Variants in AOC2 observed in about 807,000 individuals in gnomAD.
AOC2 encodes the protein amine oxidase [copper-containing] 2.
In AOC2, 57 loss-of-function variants were observed where a neutral mutation model predicts 53.8. The ratio of observed to expected loss-of-function variants is 1.06; its 90% CI spans 0.86 to 1.32. The LOEUF (loss-of-function observed/expected upper bound fraction) is 1.32, where lower values mean the gene tolerates loss of function less well. Among genes scored for constraint, AOC2 ranks in the 40% most tolerant of loss-of-function variants. AOC2 has a pLI of 0.00. For synonymous variants in AOC2, 404 were observed against 399.0 expected (o/e 1.01, Z -0.15); for missense variants, 1,008 against 957.2 (o/e 1.05, Z -0.70).
At position 42,844,736 on chromosome 17, in the gene AOC2, GC is replaced by G. The variant is rs752870343; in HGVS notation, c.114del (p.Ser39LeufsTer21). 2.4e-5 allele frequency: 38 copies of G among 1,614,060 alleles called. No homozygotes were observed. In the Admixed American group the frequency reaches 6.2e-4, roughly 26 times the overall value. On this transcript the variant is annotated frameshift_variant, in exon 1 of 4. Coordinates refer to ENST00000253799, the MANE Select transcript of AOC2 (RefSeq NM_009590.4). LOFTEE classifies it high-confidence loss of function. Reference protein sequence around the residue: ...SPGGSSQPPHCPSVSHRAQPW... With the variant: ...SPGGSSQPPHXPSVSHRAQPW... ...GGTGGTTCCAGCCAGCCTCCCCACT[GC>G]CCCTCTGTATCCCATAGGGCCCAGC...
rs2055643232 is a variant in AOC2, at chr17:42,850,305, C to T, written c.2228C>T (p.Ala743Val). The change falls in exon 4 of 4, where the codon GCC becomes GTC. Residue 743 changes from alanine (A) to valine (V), a missense_variant. Ala to Val is a moderately conservative substitution (Grantham distance 64). Coordinates refer to ENST00000253799, the MANE Select transcript of AOC2 (RefSeq NM_009590.4). ...NPVACLPDLA[A>V]CVPDLPPFSY... ...GTGGCCTGCCTCCCCGACCTGGCAG[C>T]CTGTGTCCCGGACTTACCCCCTTTC... 1 of 1,613,212 alleles carries T rather than the reference C, an allele frequency of 6.2e-7. No homozygotes were observed. Among genetic ancestry groups the T allele is most frequent in the Non-Finnish European group, 8.5e-7 (1 of 1,179,344 alleles).
chr17:42,850,199 G>A lies in AOC2; in HGVS notation c.2122G>A (p.Asp708Asn), dbSNP rs542939436. The A allele has an allele frequency of 2.1e-5, 34 of 1,614,050 alleles. No individual in the cohort carries two copies. Among genetic ancestry groups the A allele is most frequent in the Non-Finnish European group, 2.8e-5 (33 of 1,180,046 alleles). Residue 708 changes from aspartate (D) to asparagine (N), a missense_variant, in exon 4 of 4, where the codon GAT becomes AAT. Physicochemically the swap from Asp to Asn is conservative, Grantham distance 23. Transcript: ENST00000253799. ...CTTGCTCCGACCCTATAACTTCTTT[G>A]ATGAGGACCCCTCCATCTTCTCCCC... is the stretch of plus-strand genomic sequence containing the variant. Reference protein sequence around the residue: ...GFLLRPYNFFDEDPSIFSPGS... With the variant: ...GFLLRPYNFFNEDPSIFSPGS...
intron 1 of AOC2, 145 bp downstream of exon 1, chr17:42,846,359 C>A: frequency 1.1e-6 from 1 of 898,398 alleles, no homozygotes; most frequent in Non-Finnish European, 1.6e-6. Context: ...GGCAACAGGG[C>A]AGGGACTGTT....
Position 42,850,453 on chromosome 17 carries a change from C to A in AOC2, c.*105C>A. The stretch of plus-strand genomic sequence containing the variant: ...ACACCTGCTCCCCAGATTCCCACCC[C>A]CTCAATGTTCCTCTCACACGAAACC... On this transcript the variant is annotated 3_prime_UTR_variant, in exon 4 of 4. Transcript: ENST00000253799. The A allele has an allele frequency of 7.4e-7, 1 of 1,350,976 alleles. No homozygotes were observed. Among genetic ancestry groups the A allele is most frequent in the African/African-American group, 1.5e-5 (1 of 68,752 alleles). 83.7% of individuals were successfully genotyped at this position (1,350,976 alleles called of 1,614,324 possible).
chr17:42,849,060 T>C (rs373057711), intron 1 of AOC2, 26 bp from the exon 2 acceptor site: 5 of 1,591,226 alleles, frequency 3.1e-6, no homozygotes, highest in Non-Finnish European at 4.3e-6. Flanking sequence ...GGTGTGGAAC[T>C]CATCTCCTTT....
rs1856316000 is a variant in AOC2, at chr17:42,845,311, G to C, written c.685G>C (p.Gly229Arg). ...TWMALYHNIS[G>R]VGLFLHPVGL... The stretch of plus-strand genomic sequence containing the variant: ...GATGGCCCTCTACCATAACATCTCA[G>C]GGGTTGGTCTTTTCCTTCACCCCGT... The change falls in exon 1 of 4, where the codon GGG becomes CGG. Residue 229 changes from glycine to arginine, a missense_variant. Gly to Arg is a moderately radical substitution (Grantham distance 125). Transcript: ENST00000253799. The C allele has an allele frequency of 8.1e-6, 13 of 1,614,086 alleles. No homozygotes were observed. Among genetic ancestry groups the C allele is most frequent in the Non-Finnish European group, 8.5e-6 (10 of 1,180,044 alleles).
At position 42,849,240 on chromosome 17, in the gene AOC2, C is replaced by T; in HGVS notation, c.1743C>T (p.Arg581=). 6.2e-7 allele frequency: 1 copy of T among 1,614,190 alleles called. No homozygotes were observed. The highest frequency in any genetic ancestry group is 1.3e-5 in the African/African-American group (1 of 75,054). ...TTTCCTTGGGAAGCCCCCTACCCCG[C>T]TACCTCTACCTGGCTAGCAACCAGA... The part of the protein sequence containing the change: ...TAFSLGSPLP[R]YLYLASNQTN... The change falls in exon 2 of 4, where the codon CGC becomes CGT. Residue 581 remains arginine, a synonymous_variant. Transcript: ENST00000253799.
In AOC2 at chr17:42,845,717, C is replaced by G. The variant is rs1567685371; in HGVS notation, c.1091C>G (p.Ser364Cys). ...GAAGTCAGTGTCCAGGAGTGTGTATCTATCTATGGTGCCGATTCACCCAAG... is the reference window on the plus strand; with the variant it reads ...GAAGTCAGTGTCCAGGAGTGTGTATGTATCTATGGTGCCGATTCACCCAAG... Reference protein sequence around the residue: ...AYEVSVQECVSIYGADSPKTM... With the variant: ...AYEVSVQECVCIYGADSPKTM... The change falls in exon 1 of 4, where the codon TCT becomes TGT. Residue 364 changes from serine to cysteine, a missense_variant. Transcript: ENST00000253799. The G allele has an allele frequency of 1.2e-6, 2 of 1,614,152 alleles. No homozygotes were observed. The highest frequency in any genetic ancestry group is 2.2e-5 in the East Asian group (1 of 44,878).
At chr17:42,846,724 ACTC>A (rs2055602446) in intron 1 of AOC2, among the ~76,000 whole-genome samples, 2 of 151,960 alleles carry the variant, frequency 1.3e-5, no homozygotes, top group Admixed American at 6.6e-5. Context: ...GGATAGGGCC[ACTC>A]CTCATCGGGA....
At chr17:42,846,709 C>T (rs904501879) in intron 1 of AOC2, among the ~76,000 whole-genome samples, 1 of 152,124 alleles carries the variant, frequency 6.6e-6, no homozygotes, top group African/African-American at 2.4e-5. Flanking sequence ...TGGGGTTGCT[C>T]CCCAGGATAG....
rs749112530 is a variant in AOC2, at chr17:42,849,230, C to T, written c.1733C>T (p.Pro578Leu). The T allele has an allele frequency of 4.3e-6, 7 of 1,614,038 alleles. No individual in the cohort carries two copies. In the Admixed American group the frequency reaches 5.0e-5, roughly 12 times the overall value. The change falls in exon 2 of 4, where the codon CCC becomes CTC. Residue 578 changes from proline to leucine, a missense_variant. By Grantham distance (98) the Pro-to-Leu change is moderately conservative. Transcript: ENST00000253799. ...CTGACAGCTTTTTCCTTGGGAAGCCCCCTACCCCGCTACCTCTACCTGGCT... is the reference window on the plus strand; with the variant it reads ...CTGACAGCTTTTTCCTTGGGAAGCCTCCTACCCCGCTACCTCTACCTGGCT... ...EDLTAFSLGS[P>L]LPRYLYLASN...
At chr17:42,849,961 G>A in intron 3 of AOC2, 121 bp from the exon 4 acceptor site, 1 of 1,403,924 alleles carries the variant, frequency 7.1e-7, no homozygotes, top group Admixed American at 2.0e-5. Context: ...TCCACGTGTT[G>A]TATGGGCATG....
Position 42,845,401 on chromosome 17 carries a change from T to G in AOC2, c.775T>G (p.Phe259Val). 1 of 1,614,188 alleles carries G rather than the reference T, an allele frequency of 6.2e-7. No homozygotes were observed. The highest frequency in any genetic ancestry group is 8.5e-7 in the Non-Finnish European group (1 of 1,180,022). The change falls in exon 1 of 4, where the codon TTC (phenylalanine) becomes GTC (valine). Residue 259 changes from phenylalanine to valine, a missense_variant. Coordinates refer to ENST00000253799, the MANE Select transcript of AOC2 (RefSeq NM_009590.4). ...DPAHWTVQQV[F>V]YLGHYYADLG... Reference sequence around the variant, plus strand: ...TGCCCACTGGACTGTCCAGCAGGTCTTCTACCTTGGGCACTACTATGCAGA... The same window carrying G: ...TGCCCACTGGACTGTCCAGCAGGTCGTCTACCTTGGGCACTACTATGCAGA...
At chr17:42,847,319 A>G (rs1192733872) in intron 1 of AOC2, among the ~76,000 whole-genome samples, 2 of 152,170 alleles carry the variant, frequency 1.3e-5, no homozygotes, top group Admixed American at 6.5e-5. Flanking sequence ...TGGGCCAGAG[A>G]GGCTGTGTCA....
Position 42,850,295 on chromosome 17 carries a change from G to A in AOC2, c.2218G>A (p.Asp740Asn), listed in dbSNP as rs114818002. ...CATCAATCCTGTGGCCTGCCTCCCC[G>A]ACCTGGCAGCCTGTGTCCCGGACTT... ...CSINPVACLP[D>N]LAACVPDLPP... is the part of the protein sequence containing the mutation. The change falls in exon 4 of 4, where the codon GAC becomes AAC. Residue 740 changes from aspartate (D) to asparagine (N), a missense_variant. Physicochemically the swap from Asp to Asn is conservative, Grantham distance 23 (BLOSUM62 1). Transcript: ENST00000253799. 2,114 of 1,613,458 alleles carry A rather than the reference G, an allele frequency of 1.3e-3. 11 individuals carry two copies. The highest frequency in any genetic ancestry group is 2.2e-3 in the African/African-American group (165 of 75,020).
chr17:42,849,382 C>A lies in AOC2; in HGVS notation c.1874+11C>A, dbSNP rs1237522476. On this transcript the variant is annotated intron_variant, in intron 2 of 3. Coordinates refer to ENST00000253799, the MANE Select transcript of AOC2 (RefSeq NM_009590.4). ...CCTCAGCTGGGGGAGGTGAGGAGGG[C>A]CCTGGCCTGGGTGGAAGGAAAGGAC... 3.7e-6 allele frequency: 6 copies of A among 1,607,718 alleles called. No individual in the cohort carries two copies. The highest frequency in any genetic ancestry group is 5.1e-6 in the Non-Finnish European group (6 of 1,175,204).
rs1337756759 is a variant in AOC2, at chr17:42,845,523, G to A, written c.897G>A (p.Arg299=). 1 of 1,614,182 alleles carries A rather than the reference G, an allele frequency of 6.2e-7. No homozygotes were observed. The highest frequency in any genetic ancestry group is 8.5e-7 in the Non-Finnish European group (1 of 1,180,030). ...PPNGASSLRS[R]NSPGPLPPLQ... is the part of the protein sequence containing the mutation. ...ATGGAGCTTCATCCCTGAGGTCTCGGAACTCTCCAGGTCCTCTTCCCCCTC... is the reference window on the plus strand; with the variant it reads ...ATGGAGCTTCATCCCTGAGGTCTCGAAACTCTCCAGGTCCTCTTCCCCCTC... Residue 299 remains arginine (R), a synonymous_variant, in exon 1 of 4, where the codon CGG becomes CGA. Coordinates refer to ENST00000253799, the MANE Select transcript of AOC2 (RefSeq NM_009590.4).
rs1408956727 is a variant in AOC2 at position 42,844,677 on chromosome 17, C to T, written c.51C>T (p.Ile17=). ...TCCTGGCACTGTCCCTCATTACCAT[C>T]TTTGCCCTGGCCTATGTTTTGCTGA... ...LAFLALSLIT[I]FALAYVLLTS... The change falls in exon 1 of 4, where the codon ATC becomes ATT. Residue 17 remains isoleucine (I), a synonymous_variant. Transcript: ENST00000253799. 2 of 1,614,088 alleles carry T rather than the reference C, an allele frequency of 1.2e-6. No individual in the cohort carries two copies. The highest frequency in any genetic ancestry group is 3.3e-5 in the Admixed American group (2 of 60,006).
At position 42,849,415 on chromosome 17, in the gene AOC2, C is replaced by T. The variant is rs1053781886; in HGVS notation, c.1874+44C>T. ...TGGGTGGAAGGAAAGGACAGCCCCTCCCCTGCCCCAGTCCTTGGAGACAAA... is the reference window on the plus strand; with the variant it reads ...TGGGTGGAAGGAAAGGACAGCCCCTTCCCTGCCCCAGTCCTTGGAGACAAA... On this transcript the variant is annotated intron_variant, in intron 2 of 3. Coordinates refer to ENST00000253799, the MANE Select transcript of AOC2 (RefSeq NM_009590.4). 4 of 1,595,612 alleles carry T rather than the reference C, an allele frequency of 2.5e-6. No homozygotes were observed. In the African/African-American group the frequency reaches 4.0e-5, roughly 16 times the overall value.
Sources: gnomAD v4.1 joint callset for allele counts (sites outside exome capture counted in the v4.1 genomes callset) on GRCh38, gnomAD v4.1.1 for gene constraint, MANE v1.5 for transcripts, NCBI Gene and HGNC (gene_info 2026-07-23, HGNC 2026-07-21) for gene names.